SPATS1: variants seen among roughly 807,000 people sequenced by gnomAD.
The protein encoded by SPATS1 is spermatogenesis associated serine rich 1, also known as spermatogenesis-associated serine-rich protein 1.
A neutral mutation model predicts 33.6 loss-of-function variants in SPATS1; 23 were observed. The ratio of observed to expected loss-of-function variants is 0.68; its 90% confidence interval spans 0.49 to 0.97. The LOEUF (loss-of-function observed/expected upper bound fraction) is 0.97, where lower values mean the gene tolerates loss of function less well. Among genes scored for constraint, SPATS1 ranks in the 50% least tolerant of loss-of-function variants. SPATS1 has a pLI of 0.00. For missense variants in SPATS1, 327 were observed against 361.0 expected, an observed-to-expected ratio of 0.91 and a Z score of 0.76; for synonymous variants, 131 against 125.6, an observed-to-expected ratio of 1.04 and a Z score of -0.29.
Position 44,379,121 on chromosome 6 carries a change from TAA to T in SPATS1, c.*2067_*2068del, listed in dbSNP as rs913405513. 1.4e-5 allele frequency among the ~76,000 whole-genome samples: 2 copies of T among 145,262 alleles called. No homozygotes were observed. Among genetic ancestry groups the T allele is most frequent in the African/African-American group, 5.1e-5 (2 of 39,562 alleles). On this transcript the variant is annotated 3_prime_UTR_variant, in exon 9 of 9. Coordinates refer to ENST00000674044, the MANE Select transcript of SPATS1 (RefSeq NM_001372081.1). ...CTAGTCAAAAACAATGCCCCACCCCTAAAAAAAAAAGTCAACTGCAACCACCA... is the reference window on the plus strand; with the variant it reads ...CTAGTCAAAAACAATGCCCCACCCCTAAAAAAAAGTCAACTGCAACCACCA...
intron 4 of SPATS1, chr6:44,361,277 A>C (rs1409918450): frequency 1.1e-6 from 1 of 908,432 alleles, no homozygotes; most frequent in African/African-American, 1.8e-5. Context: ...GATGAAACAA[A>C]GGCACTGCAA....
intron 5 of SPATS1, among the ~76,000 whole-genome samples, chr6:44,366,184 G>A (rs1230167271): frequency 6.6e-6 from 1 of 151,218 alleles, no homozygotes; most frequent in Admixed American, 6.6e-5. Context: ...GAGTGCAATG[G>A]TGCGATCTCG....
chr6:44,362,006 C>A lies in SPATS1; in HGVS notation c.574+14C>A. On this transcript the variant is annotated intron_variant, in intron 5 of 8. Transcript: ENST00000674044. ...GAAAGAAATACGGTGATGTTTCCTTCTGGGTCTTGACTGTGCAGTCCCCGA... is the reference window on the plus strand; with the variant it reads ...GAAAGAAATACGGTGATGTTTCCTTATGGGTCTTGACTGTGCAGTCCCCGA... The A allele has an allele frequency of 6.2e-7, 1 of 1,614,150 alleles. No individual in the cohort carries two copies. Among genetic ancestry groups the A allele is most frequent in the Non-Finnish European group, 8.5e-7 (1 of 1,179,998 alleles).
At chr6:44,373,254 C>T (rs370438858) in intron 7 of SPATS1, among the ~76,000 whole-genome samples, 3 of 152,336 alleles carry the variant, frequency 2.0e-5, no homozygotes, top group South Asian at 2.1e-4. Context: ...GCTCATCCTA[C>T]GCTGTGGTCT....
chr6:44,356,926 CT>C lies in SPATS1; in HGVS notation c.288-3519del, dbSNP rs1001883834. Among the ~76,000 whole-genome samples, 56 of 152,316 alleles carry C rather than the reference CT, an allele frequency of 3.7e-4. 1 individual carries two copies. The highest frequency in any genetic ancestry group is 1.3e-3 in the African/African-American group (55 of 41,566). ...GGATCACTGGCAGCCATGTCAGAGG[CT>C]GCCTGCTACACTCTCCTAAGTGGAC... is the stretch of plus-strand genomic sequence containing the variant. On this transcript the variant is annotated intron_variant, in intron 3 of 8. Coordinates refer to ENST00000674044, the MANE Select transcript of SPATS1 (RefSeq NM_001372081.1).
At chr6:44,373,996 T>C (rs1006266561) in intron 7 of SPATS1, among the ~76,000 whole-genome samples, 3 of 152,336 alleles carry the variant, frequency 2.0e-5, no homozygotes, top group Non-Finnish European at 2.9e-5. Flanking sequence ...AAAGCAAATA[T>C]GGTACAATGT....
intron 2 of SPATS1, among the ~76,000 whole-genome samples, chr6:44,349,723 A>G (rs567391725): frequency 6.6e-6 from 1 of 152,326 alleles, no homozygotes; most frequent in South Asian, 2.1e-4. Context: ...CTTTAGTTGA[A>G]TCCCACAAGT....
At position 44,376,347 on chromosome 6, in the gene SPATS1, T is replaced by C. The variant is rs1789953546; in HGVS notation, c.759-11T>C. ...CAAACTACAACTCAGGGTGTTGTCT[T>C]CTTCCCACAGCTTGCCTTTCTGGGT... On this transcript the variant is annotated splice_polypyrimidine_tract_variant and intron_variant, in intron 7 of 8. Transcript: ENST00000674044. 3 of 1,598,354 alleles carry C rather than the reference T, an allele frequency of 1.9e-6. No homozygotes were observed. In the East Asian group the frequency reaches 6.7e-5, roughly 36 times the overall value.
At chr6:44,358,516 T>C (rs555013252) in intron 3 of SPATS1, among the ~76,000 whole-genome samples, 116 of 152,376 alleles carry the variant, frequency 7.6e-4, no homozygotes, top group Non-Finnish European at 1.4e-3. Context: ...TTAATGGTTT[T>C]ATTAAACATG....
intron 2 of SPATS1, among the ~76,000 whole-genome samples, chr6:44,344,085 G>A (rs1356461859): frequency 1.3e-5 from 2 of 152,194 alleles, no homozygotes; most frequent in Non-Finnish European, 2.9e-5. Flanking sequence ...AATTGTCCAA[G>A]TGTGTCTGCA....
intron 2 of SPATS1, among the ~76,000 whole-genome samples, chr6:44,346,638 C>A (rs1480268805): frequency 6.6e-6 from 1 of 152,198 alleles, no homozygotes; most frequent in Non-Finnish European, 1.5e-5. Flanking sequence ...CCTGCCGCAG[C>A]CTCCCGAAGT....
At chr6:44,349,109 G>A (rs1788081139) in intron 2 of SPATS1, among the ~76,000 whole-genome samples, 1 of 150,852 alleles carries the variant, frequency 6.6e-6, no homozygotes, top group African/African-American at 2.4e-5. Context: ...CCAGCCGGGG[G>A]GACAGAGCGA....
intron 2 of SPATS1, among the ~76,000 whole-genome samples, chr6:44,345,852 A>G (rs1787845905): frequency 6.6e-6 from 1 of 152,194 alleles, no homozygotes; most frequent in Non-Finnish European, 1.5e-5. Flanking sequence ...GAAGTCACAT[A>G]TGGCCAAATT....
At chr6:44,343,414 C>T in intron 2 of SPATS1, 180 bp downstream of exon 2, 2 of 721,888 alleles carry the variant, frequency 2.8e-6, no homozygotes, top group Non-Finnish European at 4.9e-6. Flanking sequence ...TTTGATTAGG[C>T]AGAGAGCACC....
At chr6:44,373,544 G>A (rs1789753493) in intron 7 of SPATS1, among the ~76,000 whole-genome samples, 1 of 152,118 alleles carries the variant, frequency 6.6e-6, no homozygotes, top group Admixed American at 6.5e-5. Flanking sequence ...AATCAGTTTT[G>A]TACTGCTCCA....
intron 5 of SPATS1, 70 bp downstream of exon 5, chr6:44,362,062 T>C: frequency 6.3e-7 from 1 of 1,587,038 alleles, no homozygotes; most frequent in Middle Eastern, 1.8e-4. Context: ...CTATAGGCCC[T>C]GCATTCTGTA....
At chr6:44,354,448 A>G (rs1344691802) in intron 3 of SPATS1, among the ~76,000 whole-genome samples, 4 of 149,702 alleles carry the variant, frequency 2.7e-5, no homozygotes, top group Non-Finnish European at 5.9e-5. Context: ...AAGTAAACAT[A>G]TTTTTTGCAC....
intron 8 of SPATS1, 21 bp from the exon 9 acceptor site, chr6:44,377,014 A>T: frequency 6.2e-7 from 1 of 1,613,974 alleles, no homozygotes; most frequent in South Asian, 1.1e-5. Flanking sequence ...AAAACCTGTA[A>T]CTCCATGCCT....
chr6:44,352,920 A>C (rs1561955660), intron 3 of SPATS1, 47 bp downstream of exon 3: 5 of 1,593,672 alleles, frequency 3.1e-6, no homozygotes, highest in Non-Finnish European at 4.3e-6. Flanking sequence ...GGAGATTCTG[A>C]CCAAGAAGCC....
Sources: gnomAD v4.1 joint callset for allele counts (sites outside exome capture counted in the v4.1 genomes callset) on GRCh38, gnomAD v4.1.1 for gene constraint, MANE v1.5 for transcripts, NCBI Gene and HGNC (gene_info 2026-07-23, HGNC 2026-07-21) for gene names.